ZNF454: variants seen among roughly 807,000 people sequenced by gnomAD.
ZNF454 encodes zinc finger protein 454.
Under a neutral mutation model 48.2 loss-of-function variants are expected in ZNF454, and 30 were observed. The observed-to-expected ratio is 0.62, with a 90% CI of 0.47 to 0.84. The LOEUF (loss-of-function observed/expected upper bound fraction) is 0.84, where lower values mean the gene tolerates loss of function less well. Among genes scored for constraint, ZNF454 ranks in the 40% least tolerant of loss-of-function variants. ZNF454 has a pLI of 0.00. For synonymous variants in ZNF454, 204 were observed against 211.4 expected (o/e 0.97, Z 0.30); for missense variants, 510 against 623.1 (o/e 0.82, Z 1.93).
chr5:178,987,142 C>G, the ZNF454 span: 1 of 769,194 alleles, frequency 1.3e-6, no homozygotes, highest in Non-Finnish European at 2.2e-6. Flanking sequence ...CCCCTTCACC[C>G]ATTGGGATGG....
In ZNF454 at chr5:178,965,514, C is replaced by T. The variant is rs752255730; in HGVS notation, c.1110C>T (p.Ser370=). Residue 370 remains serine (S), a synonymous_variant, in exon 5 of 5, where the codon TCC becomes TCT. Coordinates refer to ENST00000519564, the MANE Select transcript of ZNF454 (RefSeq NM_001178089.3). This position sits in a 1 kb window ranked among gnomAD's most constrained non-coding sequence, Gnocchi z 5.2. ...ECGKAFRVNS[S]LTEHQRIHTG... The stretch of plus-strand genomic sequence containing the variant: ...GGAAGGCCTTCAGGGTGAACTCTTC[C>T]CTTACTGAACATCAGAGAATTCATA... 1.2e-6 allele frequency: 2 copies of T among 1,613,722 alleles called. No homozygotes were observed.
the ZNF454 span, chr5:178,986,392 C>A: frequency 3.1e-6 from 5 of 1,613,942 alleles, no homozygotes; most frequent in Non-Finnish European, 3.4e-6. Flanking sequence ...GCTGAGCTCT[C>A]GGCCCGAGGC....
Position 178,965,714 on chromosome 5 carries a change from A to C in ZNF454, c.1310A>C (p.Glu437Ala), listed in dbSNP as rs755276956. 1 of 1,614,200 alleles carries C rather than the reference A, an allele frequency of 6.2e-7. No individual in the cohort carries two copies. Among genetic ancestry groups the C allele is most frequent in the Non-Finnish European group, 8.5e-7 (1 of 1,180,042 alleles). Residue 437 changes from glutamate (E) to alanine (A), a missense_variant, in exon 5 of 5, where the codon GAA (glutamate) becomes GCA (alanine). This residue lies in a region of ZNF454 where 153 missense variants were observed against 195.8 expected (regional missense o/e 0.78). Transcript: ENST00000519564. The surrounding 1 kb of genome is among the most constrained non-coding windows in gnomAD (Gnocchi z 5.2). ...LAQHQRIHTG[E>A]KPYTCNICEK... Reference sequence around the variant, plus strand: ...CAACATCAGAGAATTCATACTGGGGAAAAACCTTATACATGTAACATATGT... The same window carrying C: ...CAACATCAGAGAATTCATACTGGGGCAAAACCTTATACATGTAACATATGT...
the ZNF454 span, chr5:178,983,126 CCCTCTGG>C: frequency 1.2e-4 from 193 of 1,613,682 alleles, 1 homozygote; most frequent in Non-Finnish European, 1.5e-4. Context: ...ACTTGAGCAC[CCCTCTGG>C]CCTGCTCGGG....
In ZNF454 at chr5:178,941,610, C is replaced by T. The variant is rs1759092135; in HGVS notation, c.-108+166C>T. ...AGGGTTTCCTCTCAGGTGATAGATA[C>T]ACGCCTGGCGTGGTTCCGAGTCCTG... is the stretch of plus-strand genomic sequence containing the variant. On this transcript the variant is annotated intron_variant, in intron 1 of 4. Transcript: ENST00000519564. This position sits in a 1 kb window ranked among gnomAD's most constrained non-coding sequence, Gnocchi z 5.5. 6.6e-6 allele frequency among the ~76,000 whole-genome samples: 1 copy of T among 152,056 alleles called. No homozygotes were observed. Among genetic ancestry groups the T allele is most frequent in the African/African-American group, 2.4e-5 (1 of 41,416 alleles).
the ZNF454 span, chr5:178,989,104 G>A: frequency 1.2e-5 from 20 of 1,614,102 alleles, no homozygotes; most frequent in Admixed American, 3.3e-5. Context: ...CCTCCTGCTC[G>A]TAGGTGGAGT....
chr5:178,953,646 T>C (rs777384883), intron 4 of ZNF454, among the ~76,000 whole-genome samples: 3 of 152,322 alleles, frequency 2.0e-5, no homozygotes, highest in Admixed American at 6.5e-5. Flanking sequence ...TACCCTAGCC[T>C]GTCTGTAGAT....
chr5:178,964,239 G>A (rs564438119), intron 4 of ZNF454, among the ~76,000 whole-genome samples: 1 of 151,300 alleles, frequency 6.6e-6, no homozygotes, highest in Admixed American at 6.6e-5. Context: ...TCCTGCCTCA[G>A]CCTCCTGAGT....
At chr5:178,950,615 G>A (rs1426842598) in intron 4 of ZNF454, among the ~76,000 whole-genome samples, 2 of 152,170 alleles carry the variant, frequency 1.3e-5, no homozygotes, top group Non-Finnish European at 2.9e-5. Flanking sequence ...TTCCTTAATT[G>A]AGGAGTTGCT....
rs368359395 is a variant in ZNF454, at chr5:178,965,894, A to G, written c.1490A>G (p.Lys497Arg). Residue 497 changes from lysine (K) to arginine (R), a missense_variant, in exon 5 of 5, where the codon AAA (lysine) becomes AGA (arginine). Around this residue, in one of 3 missense-constraint regions of ZNF454, gnomAD observed 153 missense variants for 195.8 expected, o/e 0.78. Transcript: ENST00000519564. The surrounding 1 kb of genome is among the most constrained non-coding windows in gnomAD (Gnocchi z 5.2). The part of the protein sequence containing the change: ...QRIHTGEKPY[K>R]CNKCGKAFNQ... Reference sequence around the variant, plus strand: ...ATTCACACAGGAGAGAAACCCTATAAATGTAATAAATGTGGGAAAGCTTTT... The same window carrying G: ...ATTCACACAGGAGAGAAACCCTATAGATGTAATAAATGTGGGAAAGCTTTT... 5 of 1,610,728 alleles carry G rather than the reference A, an allele frequency of 3.1e-6. No homozygotes were observed. In the African/African-American group the frequency reaches 5.4e-5, roughly 17 times the overall value.
At chr5:178,964,037 C>CT (rs936394268) in intron 4 of ZNF454, among the ~76,000 whole-genome samples, 11 of 151,058 alleles carry the variant, frequency 7.3e-5, no homozygotes, top group Admixed American at 4.0e-4. Context: ...TCAGGTTTTT[C>CT]TTTTTTTTGA....
At chr5:178,981,430 G>A in the ZNF454 span, 2 of 522,598 alleles carry the variant, frequency 3.8e-6, no homozygotes, top group Non-Finnish European at 6.9e-6. This position sits in a 1 kb window ranked among gnomAD's most constrained non-coding sequence, Gnocchi z 5.1. Flanking sequence ...TCCCACCATG[G>A]GAAGCGAGTC....
At chr5:178,960,545 C>G (rs1351461891) in intron 4 of ZNF454, among the ~76,000 whole-genome samples, 3 of 151,632 alleles carry the variant, frequency 2.0e-5, no homozygotes, top group Non-Finnish European at 4.4e-5. Flanking sequence ...TGAGCCACCA[C>G]ACCTGGCCAG....
intron 4 of ZNF454, among the ~76,000 whole-genome samples, chr5:178,958,314 G>T (rs1322866863): frequency 1.3e-5 from 2 of 152,110 alleles, no homozygotes; most frequent in Non-Finnish European, 2.9e-5. Flanking sequence ...CAATAGATTT[G>T]TTTTGCCTGT....
chr5:178,963,220 A>G (rs910364294), intron 4 of ZNF454, among the ~76,000 whole-genome samples: 3 of 151,728 alleles, frequency 2.0e-5, no homozygotes, highest in African/African-American at 7.2e-5. Context: ...ACTTTTTCCA[A>G]TTCAGATTTT....
At chr5:178,972,434 A>C in the ZNF454 span, among the ~76,000 whole-genome samples, 1 of 149,864 alleles carries the variant, frequency 6.7e-6, no homozygotes, top group African/African-American at 2.4e-5. Context: ...TCTGGGCCCC[A>C]GGCACTGTCC....
the ZNF454 span, among the ~76,000 whole-genome samples, chr5:178,977,070 C>T: frequency 1.4e-4 from 21 of 152,080 alleles, no homozygotes; most frequent in Non-Finnish European, 2.8e-4. Context: ...AGCAATGGGA[C>T]ACAGCACCAC....
intron 4 of ZNF454, among the ~76,000 whole-genome samples, chr5:178,947,473 T>C (rs557116831): frequency 1.1e-4 from 16 of 152,370 alleles, no homozygotes; most frequent in Middle Eastern, 3.4e-3. Context: ...GTTATTTATC[T>C]TCTACGTTTT....
chr5:178,954,945 T>C (rs937952362), intron 4 of ZNF454, among the ~76,000 whole-genome samples: 10 of 152,250 alleles, frequency 6.6e-5, no homozygotes, highest in African/African-American at 2.4e-4. Flanking sequence ...GGTTTGCTCA[T>C]CCATTCATCA....
Sources: gnomAD v4.1 joint callset for allele counts (sites outside exome capture counted in the v4.1 genomes callset) on GRCh38, gnomAD v4.1.1 for gene constraint, gnomAD v4.1.1 regional missense constraint, Gnocchi (gnomAD v3.1) non-coding constraint, MANE v1.5 for transcripts, NCBI Gene and HGNC (gene_info 2026-07-23, HGNC 2026-07-21) for gene names.